The following SH3D19 variants were observed in gnomAD, a reference collection of about 807,000 sequenced individuals.
The protein encoded by SH3D19 is SH3 domain-containing protein 19.
SH3D19 carries 58 observed loss-of-function variants against 112.1 expected under a neutral mutation model. The observed-to-expected ratio is 0.52, with a 90% CI of 0.42 to 0.64. The LOEUF (loss-of-function observed/expected upper bound fraction) is 0.64. Among genes scored for constraint, SH3D19 ranks in the 30% least tolerant of loss-of-function variants. SH3D19 has a pLI of 0.00. For synonymous variants in SH3D19, 391 were observed against 448.5 expected, an observed-to-expected ratio of 0.87 and a Z score of 1.62; for missense variants, 1,090 against 1,263.4, an observed-to-expected ratio of 0.86 and a Z score of 2.08.
chr4:151,165,355 G>A (rs1757823718), intron 8 of SH3D19, among the ~76,000 whole-genome samples: 1 of 151,950 alleles, frequency 6.6e-6, no homozygotes, highest in Non-Finnish European at 1.5e-5. Flanking sequence ...AGAGGAAAAG[G>A]AAGGGAAGGG....
chr4:151,297,562 G>A (rs923579317), intron 1 of SH3D19, among the ~76,000 whole-genome samples: 3 of 152,150 alleles, frequency 2.0e-5, no homozygotes, highest in Non-Finnish European at 4.4e-5. Flanking sequence ...TTTGGATTTG[G>A]ATGTAATTTA....
intron 1 of SH3D19, among the ~76,000 whole-genome samples, chr4:151,314,123 TG>T (rs1482231268): frequency 1.3e-5 from 2 of 152,110 alleles, no homozygotes; most frequent in African/African-American, 4.8e-5. Flanking sequence ...TGAAAACAAA[TG>T]AACTCTCAGT....
intron 10 of SH3D19, 87 bp from the exon 11 acceptor site, chr4:151,148,273 A>C (rs1172032120): frequency 1.8e-6 from 2 of 1,090,650 alleles, no homozygotes; most frequent in Admixed American, 5.0e-5. Context: ...ACACACACAC[A>C]CACACACACA....
chr4:151,247,926 A>G, intron 1 of SH3D19, among the ~76,000 whole-genome samples: 1 of 152,180 alleles, frequency 6.6e-6, no homozygotes, highest in East Asian at 1.9e-4. Flanking sequence ...GACTGTTTTC[A>G]TCTTCCTATG....
At position 151,250,609 on chromosome 4, in the gene SH3D19, TACATTTCTCTGG is replaced by T. The variant is rs1580326324; in HGVS notation, c.113-24535_113-24524del. On this transcript the variant is annotated intron_variant, in intron 1 of 19. Transcript: ENST00000604030. ...GAAGAAAACTTTCTATTTTACCTTA[TACATTTCTCTGG>T]TGTTGAAATTTTTTTAGTAATTGTA... Among the ~76,000 whole-genome samples the T allele has an allele frequency of 3.3e-5, 5 of 152,186 alleles. No homozygotes were observed. The East Asian group carries it at 9.6e-4, about 29-fold the overall frequency.
At chr4:151,283,964 T>G (rs1322909006) in intron 1 of SH3D19, among the ~76,000 whole-genome samples, 1 of 152,222 alleles carries the variant, frequency 6.6e-6, no homozygotes, top group East Asian at 1.9e-4. Flanking sequence ...CCATGGAGTG[T>G]AATGTGTTGT....
intron 1 of SH3D19, among the ~76,000 whole-genome samples, chr4:151,255,963 A>G (rs944603193): frequency 6.9e-6 from 1 of 144,430 alleles, no homozygotes; most frequent in Admixed American, 7.4e-5. Context: ...AGATGGCAGC[A>G]GTACAGTCCA....
chr4:151,312,426 G>C (rs1729546198), intron 1 of SH3D19, among the ~76,000 whole-genome samples: 1 of 152,182 alleles, frequency 6.6e-6, no homozygotes, highest in Admixed American at 6.5e-5. Flanking sequence ...CGGAAGTAAT[G>C]AATCTGGAAA....
At chr4:151,209,347 T>C (rs6856569) in intron 2 of SH3D19, among the ~76,000 whole-genome samples, 131,353 of 151,720 alleles carry the variant, frequency 0.87, 57,676 homozygotes, top group Non-Finnish European at 0.95. Flanking sequence ...GGTGCAATCT[T>C]GGCTCACTGC....
chr4:151,286,184 G>GAAAAAAAAAAA (rs56850648), intron 1 of SH3D19, among the ~76,000 whole-genome samples: 69 of 86,542 alleles, frequency 8.0e-4, no homozygotes, highest in Non-Finnish European at 1.0e-3. Flanking sequence ...CTGTCTTAAA[G>GAAAAAAAAAAA]AAAAAAAAAA....
intron 2 of SH3D19, among the ~76,000 whole-genome samples, chr4:151,189,439 G>A (rs1762297972): frequency 6.6e-6 from 1 of 152,110 alleles, no homozygotes; most frequent in Admixed American, 6.5e-5. Context: ...AAGTCACTCA[G>A]TGATATGGTT....
intron 1 of SH3D19, among the ~76,000 whole-genome samples, chr4:151,264,785 CT>C (rs1424451221): frequency 6.6e-5 from 10 of 152,018 alleles, no homozygotes; most frequent in Admixed American, 3.9e-4. Context: ...GCCTTATTTT[CT>C]TTTTTTCCTT....
chr4:151,229,740 G>A (rs547651099), intron 1 of SH3D19, among the ~76,000 whole-genome samples: 1 of 152,170 alleles, frequency 6.6e-6, no homozygotes, highest in African/African-American at 2.4e-5. Context: ...TGGCAAAACC[G>A]CATCTCTACC....
intron 9 of SH3D19, among the ~76,000 whole-genome samples, chr4:151,157,961 G>C (rs957415540): frequency 6.6e-6 from 1 of 152,134 alleles, no homozygotes; most frequent in African/African-American, 2.4e-5. Flanking sequence ...GGGAGAGATA[G>C]GGAGCTTTGT....
chr4:151,199,671 C>CA (rs1327774416), intron 2 of SH3D19, among the ~76,000 whole-genome samples: 2 of 152,158 alleles, frequency 1.3e-5, no homozygotes, highest in African/African-American at 4.8e-5. Flanking sequence ...CTAGCCTCCC[C>CA]TTGTGACCAG....
chr4:151,139,918 C>G, intron 12 of SH3D19, 71 bp from the exon 13 acceptor site: 1 of 1,450,042 alleles, frequency 6.9e-7, no homozygotes, highest in South Asian at 1.2e-5. Context: ...ACTCTGAGAC[C>G]AATTTTTTTT....
intron 1 of SH3D19, among the ~76,000 whole-genome samples, chr4:151,320,306 C>A (rs749379708): frequency 6.6e-6 from 1 of 152,164 alleles, no homozygotes; most frequent in Non-Finnish European, 1.5e-5. Flanking sequence ...TCTTGTATAT[C>A]CTCCCTTTGG....
intron 1 of SH3D19, among the ~76,000 whole-genome samples, chr4:151,255,395 C>G (rs937553259): frequency 1.2e-4 from 18 of 150,502 alleles, no homozygotes; most frequent in African/African-American, 4.4e-4. Flanking sequence ...GACGGGGCAG[C>G]GGGGCAGAGG....
Position 151,325,302 on chromosome 4 carries a change from G to A in SH3D19, c.51C>T (p.Arg17=). 4.9e-6 allele frequency: 6 copies of A among 1,220,132 alleles called. No individual in the cohort carries two copies. Among genetic ancestry groups the A allele is most frequent in the Non-Finnish European group, 6.1e-6 (6 of 980,404 alleles). The allele number at this position is 1,220,132 out of a possible 1,614,324, so 75.6% of individuals were successfully genotyped here. ...REDEEEELRE[R]RELGGQRRAR... ...CGCGGCGCTGGCCACCAAGTTCGCG[G>A]CGCTCGCGTAGCTCTTCCTCCTCGT... Residue 17 remains arginine, a synonymous_variant, in exon 1 of 20, where the codon CGC becomes CGT. Coordinates refer to ENST00000604030, the MANE Select transcript of SH3D19 (RefSeq NM_001378122.1).
Sources: gnomAD v4.1 joint callset for allele counts (sites outside exome capture counted in the v4.1 genomes callset) on GRCh38, gnomAD v4.1.1 for gene constraint, MANE v1.5 for transcripts, NCBI Gene and HGNC (gene_info 2026-07-23, HGNC 2026-07-21) for gene names.